Variants in SLC9A3 observed in about 807,000 individuals in gnomAD.
The protein encoded by SLC9A3 is sodium/hydrogen exchanger 3.
In SLC9A3, 37 loss-of-function variants were observed where a neutral mutation model predicts 86.8. That is an observed-to-expected ratio of 0.43 (90% CI 0.33 to 0.56). The LOEUF (loss-of-function observed/expected upper bound fraction) is 0.56, where lower values mean the gene tolerates loss of function less well. Ranked by LOEUF, SLC9A3 falls within the 20% of genes least tolerant of loss-of-function variation. The pLI is 0.06. For synonymous variants in SLC9A3, 581 were observed against 528.3 expected, an observed-to-expected ratio of 1.10 and a Z score of -1.37; for missense variants, 1,011 against 1,171.9, an observed-to-expected ratio of 0.86 and a Z score of 2.00.
At chr5:485,270 T>G (rs1459234863) in intron 3 of SLC9A3, 39 bp from the exon 4 acceptor site, 14 of 1,536,942 alleles carry the variant, frequency 9.1e-6, no homozygotes, top group Admixed American at 6.7e-5. Context: ...TGGTCCTTGG[T>G]TAGTGCCACC....
At position 470,585 on chromosome 5, in the gene SLC9A3, A is replaced by G. The variant is rs1425889813; in HGVS notation, c.*2794T>C. 6.6e-6 allele frequency: 1 copy of G among 152,372 alleles called. No individual in the cohort carries two copies. Among genetic ancestry groups the G allele is most frequent in the Non-Finnish European group, 1.5e-5 (1 of 68,038 alleles). The allele number at this position is 152,372 out of a possible 1,614,324, so 9.4% of individuals were successfully genotyped here. A position where few individuals can be genotyped will look rare whatever the true frequency, so the allele number is the denominator to read the frequency against. On this transcript the variant is annotated 3_prime_UTR_variant, in exon 17 of 17. Coordinates refer to ENST00000264938, the MANE Select transcript of SLC9A3 (RefSeq NM_004174.4). ...GGTGATGGGCCCTCCCTGTCTGGACACTGCCAACCCACAGCTGGAGGGGCA... is the reference window on the plus strand; with the variant it reads ...GGTGATGGGCCCTCCCTGTCTGGACGCTGCCAACCCACAGCTGGAGGGGCA...
intron 10 of SLC9A3, chr5:477,774 C>T: frequency 3.9e-6 from 1 of 258,018 alleles, no homozygotes; most frequent in African/African-American, 2.3e-5. Flanking sequence ...GTTGATACTG[C>T]AGAATCATTG....
chr5:508,575 G>A (rs73730847), intron 1 of SLC9A3, among the ~76,000 whole-genome samples: 2,656 of 138,908 alleles, frequency 0.019, 62 homozygotes, highest in African/African-American at 0.068. Context: ...GCCTCAGCGC[G>A]CCCGGGGATG....
Position 524,286 on chromosome 5 carries a change from GC to G in SLC9A3, c.36del (p.Leu13CysfsTer98), listed in dbSNP as rs1208818722. 6 of 1,313,874 alleles carry G rather than the reference GC, an allele frequency of 4.6e-6. No homozygotes were observed. The highest frequency in any genetic ancestry group is 4.5e-5 in the South Asian group (2 of 44,250). The allele number at this position is 1,313,874 out of a possible 1,614,324, so 81.4% of individuals were successfully genotyped here. A position where few individuals can be genotyped will look rare whatever the true frequency, so the allele number is the denominator to read the frequency against. On this transcript the variant is annotated frameshift_variant, in exon 1 of 17. Coordinates refer to ENST00000264938, the MANE Select transcript of SLC9A3 (RefSeq NM_004174.4). LOFTEE classifies it high-confidence loss of function. ...WGLGARGPDR[G>X]LLLALALGGL... ...CCGCCCAGCGCCAGCGCCAGCAGCA[GC>G]CCCCGGTCGGGGCCCCGGGCCCCGA...
At chr5:493,200 C>G (rs544473825) in intron 1 of SLC9A3, among the ~76,000 whole-genome samples, 9 of 152,212 alleles carry the variant, frequency 5.9e-5, no homozygotes, top group Non-Finnish European at 1.5e-5. Flanking sequence ...GTGCGTCCTC[C>G]GGCTTCGGTG....
At chr5:498,638 G>T (rs1003376016) in intron 1 of SLC9A3, among the ~76,000 whole-genome samples, 6 of 152,172 alleles carry the variant, frequency 3.9e-5, no homozygotes, top group African/African-American at 1.4e-4. Context: ...CTGGGGTCAA[G>T]CGACACGCCC....
intron 3 of SLC9A3, among the ~76,000 whole-genome samples, chr5:486,954 A>G (rs370082910): frequency 8.0e-3 from 257 of 31,956 alleles, no homozygotes; most frequent in Non-Finnish European, 0.012. Context: ...GACACCCACC[A>G]CACTGACACC....
At chr5:510,368 G>C (rs1041523126) in intron 1 of SLC9A3, among the ~76,000 whole-genome samples, 1 of 152,224 alleles carries the variant, frequency 6.6e-6, no homozygotes, top group African/African-American at 2.4e-5. Flanking sequence ...CCGGCAGCAC[G>C]CTTGGTCCCG....
Position 471,706 on chromosome 5 carries a change from C to A in SLC9A3, c.*1673G>T. The stretch of plus-strand genomic sequence containing the variant: ...AATGGCTACGAAGTGTGGAGAATAA[C>A]CACTGAATCCCAAAAAGTCACTGCG... On this transcript the variant is annotated 3_prime_UTR_variant, in exon 17 of 17. Coordinates refer to ENST00000264938, the MANE Select transcript of SLC9A3 (RefSeq NM_004174.4). 1 of 443,002 alleles carries A rather than the reference C, an allele frequency of 2.3e-6. No homozygotes were observed. The highest frequency in any genetic ancestry group is 4.6e-6 in the Non-Finnish European group (1 of 219,226). The allele number at this position is 443,002 out of a possible 1,614,324, so 27.4% of individuals were successfully genotyped here.
In SLC9A3 at chr5:472,845, C is replaced by G. The variant is rs1257807387; in HGVS notation, c.*534G>C. The G allele has an allele frequency of 3.8e-6, 2 of 519,982 alleles. No individual in the cohort carries two copies. Among genetic ancestry groups the G allele is most frequent in the Admixed American group, 2.6e-5 (1 of 39,000 alleles). 32.2% of individuals were successfully genotyped at this position (519,982 alleles called of 1,614,324 possible). ...CGGGCGCGGGGCTCGGTTGGGGGGG[C>G]CCGGAACCTTGGGCTGGTTTCACGC... is the stretch of plus-strand genomic sequence containing the variant. On this transcript the variant is annotated 3_prime_UTR_variant, in exon 17 of 17. Transcript: ENST00000264938.
At position 486,507 on chromosome 5, in the gene SLC9A3, G is replaced by T. The variant is rs182014704; in HGVS notation, c.676-1276C>A. Among the ~76,000 whole-genome samples, 199 of 152,268 alleles carry T rather than the reference G, an allele frequency of 1.3e-3. 12 individuals are homozygous for T. In the East Asian group the frequency reaches 0.017, roughly 13 times the overall value. On this transcript the variant is annotated intron_variant, in intron 3 of 16. Coordinates refer to ENST00000264938, the MANE Select transcript of SLC9A3 (RefSeq NM_004174.4). ...CTGATGTGGCCTTTGGGCCTCTGTG[G>T]AGGCACCGTCCCCGCCTCCCGGAAC...
intron 3 of SLC9A3, among the ~76,000 whole-genome samples, chr5:486,916 CA>C: frequency 4.9e-5 from 6 of 123,316 alleles, no homozygotes; most frequent in African/African-American, 1.8e-4. Flanking sequence ...ACCGCACTGA[CA>C]CCCACCACAC....
Position 474,897 on chromosome 5 carries a change from G to A in SLC9A3, c.2487C>T (p.Pro829=), listed in dbSNP as rs1165688490. The change falls in exon 16 of 17, where the codon CCC becomes CCT. Residue 829 remains proline, a synonymous_variant. Transcript: ENST00000264938. The part of the protein sequence containing the change: ...GPEERPPAAL[P]ESTHM ...GGGAGCGTTACATGTGTGTGGACTCGGGGAGGGCGGCGGGGGGCCGCTCCT... is the reference window on the plus strand; with the variant it reads ...GGGAGCGTTACATGTGTGTGGACTCAGGGAGGGCGGCGGGGGGCCGCTCCT... 1.3e-6 allele frequency: 2 copies of A among 1,589,996 alleles called. No individual in the cohort carries two copies. The highest frequency in any genetic ancestry group is 2.3e-5 in the East Asian group (1 of 44,008).
chr5:488,133 C>G (rs1224412612), intron 3 of SLC9A3, among the ~76,000 whole-genome samples, 183 bp downstream of exon 3: 1 of 152,232 alleles, frequency 6.6e-6, no homozygotes, highest in Non-Finnish European at 1.5e-5. Flanking sequence ...TACAAAGAAG[C>G]CTCGCGAAAG....
chr5:508,117 T>A (rs1740697080), intron 1 of SLC9A3, among the ~76,000 whole-genome samples: 1 of 152,212 alleles, frequency 6.6e-6, no homozygotes, highest in Non-Finnish European at 1.5e-5. Flanking sequence ...TGACCAGTGC[T>A]CAGGCGCGGA....
intron 1 of SLC9A3, among the ~76,000 whole-genome samples, chr5:515,649 A>T (rs915488311): frequency 6.6e-6 from 1 of 151,402 alleles, no homozygotes; most frequent in Non-Finnish European, 1.5e-5. Context: ...CCTCAGACAC[A>T]CACACACATC....
chr5:470,463 C>T lies in SLC9A3; in HGVS notation c.*2916G>A, dbSNP rs1375864571. 6.6e-6 allele frequency: 1 copy of T among 152,368 alleles called. No homozygotes were observed. Among genetic ancestry groups the T allele is most frequent in the Non-Finnish European group, 1.5e-5 (1 of 68,048 alleles). 9.4% of individuals were successfully genotyped at this position (152,368 alleles called of 1,614,324 possible). ...CCTACAGGAGACGTCTCCTTAAATTCTCATAGGTGGATATTTCTCTTTTAT... is the reference window on the plus strand; with the variant it reads ...CCTACAGGAGACGTCTCCTTAAATTTTCATAGGTGGATATTTCTCTTTTAT... On this transcript the variant is annotated 3_prime_UTR_variant, in exon 17 of 17. Coordinates refer to ENST00000264938, the MANE Select transcript of SLC9A3 (RefSeq NM_004174.4).
chr5:475,129 A>T lies in SLC9A3; in HGVS notation c.2255T>A (p.Ile752Asn). 1 of 1,588,832 alleles carries T rather than the reference A, an allele frequency of 6.3e-7. No individual in the cohort carries two copies. Among genetic ancestry groups the T allele is most frequent in the African/African-American group, 1.3e-5 (1 of 74,338 alleles). The part of the protein sequence containing the change: ...KDTASDSPAG[I>N]DNPVFSPDEA... Reference sequence around the variant, plus strand: ...GTCCGGAGAAAACACAGGGTTGTCAATTCCTAGGAGAGAGGGCAGCGGCTA... The same window carrying T: ...GTCCGGAGAAAACACAGGGTTGTCATTTCCTAGGAGAGAGGGCAGCGGCTA... The change falls in exon 16 of 17, where the codon ATT becomes AAT. Residue 752 changes from isoleucine to asparagine, a missense_variant. Around this residue, in one of 3 missense-constraint regions of SLC9A3, gnomAD observed 397 missense variants for 346.3 expected, o/e 1.15. Coordinates refer to ENST00000264938, the MANE Select transcript of SLC9A3 (RefSeq NM_004174.4).
chr5:523,023 G>A (rs1404261271), intron 1 of SLC9A3, among the ~76,000 whole-genome samples: 1 of 152,184 alleles, frequency 6.6e-6, no homozygotes, highest in Non-Finnish European at 1.5e-5. Flanking sequence ...GGAGCTGAAA[G>A]ACACCAGGGC....
Sources: allele counts gnomAD v4.1 joint callset (sites outside exome capture counted in the v4.1 genomes callset), GRCh38; gene constraint gnomAD v4.1.1; regional missense constraint gnomAD v4.1.1; transcripts MANE v1.5; gene names NCBI Gene and HGNC (gene_info 2026-07-23, HGNC 2026-07-21).